CPEB4: variants seen among roughly 807,000 people sequenced by gnomAD.
The protein encoded by CPEB4 is cytoplasmic polyadenylation element-binding protein 4.
A neutral mutation model predicts 72.5 loss-of-function variants in CPEB4; 12 were observed. The observed-to-expected ratio is 0.17, with a 90% CI of 0.11 to 0.27. The LOEUF is 0.27. Among genes scored for constraint, CPEB4 ranks in the 10% least tolerant of loss-of-function variants. CPEB4 has a pLI of 1.00. For synonymous variants in CPEB4, 302 were observed against 326.3 expected (o/e 0.93, Z 0.80); for missense variants, 614 against 908.5 (o/e 0.68, Z 4.17).
intron 6 of CPEB4, among the ~76,000 whole-genome samples, 176 bp downstream of exon 6, chr5:173,949,773 A>G (rs1758152834): frequency 6.6e-6 from 1 of 152,224 alleles, no homozygotes; most frequent in African/African-American, 2.4e-5. Context: ...ATTTTACTCT[A>G]AAAGATGCTT....
intron 8 of CPEB4, among the ~76,000 whole-genome samples, chr5:173,952,572 A>G (rs1758248334): frequency 6.6e-6 from 1 of 152,238 alleles, no homozygotes; most frequent in Non-Finnish European, 1.5e-5. Context: ...AAATGCAGTC[A>G]TTATTTCAAG....
rs1398012522 is a variant in CPEB4, at chr5:173,888,477, AAAG to A, written c.-1251_-1249del. 13 of 434,044 alleles carry A rather than the reference AAAG, an allele frequency of 3.0e-5. No individual in the cohort carries two copies. The highest frequency in any genetic ancestry group is 4.4e-5 in the Non-Finnish European group (11 of 249,480). The allele number at this position is 434,044 out of a possible 1,614,324, so 26.9% of individuals were successfully genotyped here. On this transcript the variant is annotated 5_prime_UTR_variant, in exon 1 of 10. Transcript: ENST00000265085. The surrounding 1 kb of genome is among the most constrained non-coding windows in gnomAD (Gnocchi z 4.3). ...AGGAAGAGGAGGAAGAAGGAAAGAA[AAAG>A]AAGAACCAGGAGGAGTCCTCAACAA...
At chr5:173,943,120 C>T (rs1209399801) in intron 4 of CPEB4, 71 bp downstream of exon 4, 14 of 1,465,422 alleles carry the variant, frequency 9.6e-6, no homozygotes, top group Non-Finnish European at 9.4e-7. Flanking sequence ...TAATTTCTAA[C>T]CTTTGTGGGG....
Position 173,890,650 on chromosome 5 carries a change from A to G in CPEB4, c.917A>G (p.Tyr306Cys). Residue 306 changes from tyrosine (Y) to cysteine (C), a missense_variant, in exon 1 of 10, where the codon TAT becomes TGT. Physicochemically the swap from Tyr to Cys is radical, Grantham distance 194. Transcript: ENST00000265085. ...TCCTGGAGCCCGGGCGGTGGTGGAT[A>G]TGGTGGCTGGGGAGGTTCCCAAGGC... The part of the protein sequence containing the change: ...SSSWSPGGGG[Y>C]GGWGGSQGRD... The G allele has an allele frequency of 3.7e-6, 6 of 1,614,108 alleles. No homozygotes were observed. The highest frequency in any genetic ancestry group is 5.1e-6 in the Non-Finnish European group (6 of 1,179,970).
chr5:173,921,535 C>G (rs1415776658), intron 2 of CPEB4, among the ~76,000 whole-genome samples: 1 of 152,170 alleles, frequency 6.6e-6, no homozygotes, highest in Non-Finnish European at 1.5e-5. Context: ...CTGAAGCCAT[C>G]TTTATTCCTT....
At chr5:173,921,532 CA>C (rs1757072104) in intron 2 of CPEB4, among the ~76,000 whole-genome samples, 1 of 152,134 alleles carries the variant, frequency 6.6e-6, no homozygotes, top group Non-Finnish European at 1.5e-5. Context: ...CATCTGAAGC[CA>C]TCTTTATTCC....
chr5:173,936,436 T>A (rs914027318), intron 3 of CPEB4, among the ~76,000 whole-genome samples: 3 of 152,166 alleles, frequency 2.0e-5, no homozygotes, highest in African/African-American at 7.2e-5. Context: ...AAAGACCCTG[T>A]CTCCAAATAT....
Position 173,896,167 on chromosome 5 carries a change from G to A in CPEB4, c.1125+5309G>A, listed in dbSNP as rs532605864. 3.3e-5 allele frequency among the ~76,000 whole-genome samples: 5 copies of A among 152,226 alleles called. No homozygotes were observed. The South Asian group carries it at 1.0e-3, about 32-fold the overall frequency. On this transcript the variant is annotated intron_variant, in intron 1 of 9. Transcript: ENST00000265085. ...TAATTCGCTGTCATATTTTTTCAGCGCTGTATTGTACCTCAGTTTTTGGTC... is the reference window on the plus strand; with the variant it reads ...TAATTCGCTGTCATATTTTTTCAGCACTGTATTGTACCTCAGTTTTTGGTC...
intron 1 of CPEB4, chr5:173,891,537 C>A (rs1220577721): frequency 6.6e-6 from 1 of 152,170 alleles, no homozygotes; most frequent in Non-Finnish European, 1.5e-5. Flanking sequence ...CAGAGTGACT[C>A]TTTATGCCTT....
Position 173,888,371 on chromosome 5 carries a change from AGGACTCAGCCGCGGCTGCG to A in CPEB4, c.-1358_-1340del. ...TTCACTCGGCTCGGTCCTGAGGAGA[AGGACTCAGCCGCGGCTGCG>A]GGACCCGGGCACCGGGAGGCGGTGG... On this transcript the variant is annotated 5_prime_UTR_variant, in exon 1 of 10. Transcript: ENST00000265085. This position sits in a 1 kb window ranked among gnomAD's most constrained non-coding sequence, Gnocchi z 4.3. 1 of 445,296 alleles carries A rather than the reference AGGACTCAGCCGCGGCTGCG, an allele frequency of 2.2e-6. No homozygotes were observed. The highest frequency in any genetic ancestry group is 3.9e-6 in the Non-Finnish European group (1 of 258,568). The allele number at this position is 445,296 out of a possible 1,614,324, so 27.6% of individuals were successfully genotyped here. A position where few individuals can be genotyped will look rare whatever the true frequency, so the allele number is the denominator to read the frequency against.
chr5:173,936,081 A>G (rs1002136226), intron 3 of CPEB4, among the ~76,000 whole-genome samples: 2 of 152,136 alleles, frequency 1.3e-5, no homozygotes, highest in African/African-American at 4.8e-5. Context: ...TTGAGGGGCA[A>G]TCTTGGGGAC....
intron 5 of CPEB4, among the ~76,000 whole-genome samples, chr5:173,947,129 T>G (rs946302674): frequency 6.6e-6 from 1 of 151,864 alleles, no homozygotes; most frequent in Non-Finnish European, 1.5e-5. Flanking sequence ...TACCCTGCCC[T>G]ATTATCAGGT....
chr5:173,893,658 G>A (rs192104551), intron 1 of CPEB4, among the ~76,000 whole-genome samples: 2 of 152,124 alleles, frequency 1.3e-5, no homozygotes, highest in Admixed American at 6.5e-5. Flanking sequence ...TGCTTACATG[G>A]GTACATTATA....
intron 1 of CPEB4, among the ~76,000 whole-genome samples, chr5:173,905,184 A>G (rs1488959530): frequency 1.3e-5 from 2 of 151,918 alleles, no homozygotes; most frequent in Non-Finnish European, 2.9e-5. Context: ...AAGCAAATTG[A>G]GTTGTCAGTA....
intron 8 of CPEB4, 63 bp from the exon 9 acceptor site, chr5:173,953,028 C>T (rs745674231): frequency 8.1e-6 from 11 of 1,357,352 alleles, no homozygotes; most frequent in East Asian, 2.3e-5. Flanking sequence ...TTTGATGAAA[C>T]GGTTGGTGAG....
rs1219807727 is a variant in CPEB4, at chr5:173,911,353, C to A, written c.1207+749C>A. 2.0e-5 allele frequency among the ~76,000 whole-genome samples: 3 copies of A among 151,726 alleles called. No individual in the cohort carries two copies. The East Asian group carries it at 5.8e-4, about 29-fold the overall frequency. On this transcript the variant is annotated intron_variant, in intron 2 of 9. Coordinates refer to ENST00000265085, the MANE Select transcript of CPEB4 (RefSeq NM_030627.4). ...GGCGTGATCACTGCAAGCTCCGCCT[C>A]CCAGGCTCACGCCATTCTCCTGCCT...
At chr5:173,911,695 T>G (rs1413957943) in intron 2 of CPEB4, among the ~76,000 whole-genome samples, 1 of 151,298 alleles carries the variant, frequency 6.6e-6, no homozygotes, top group African/African-American at 2.4e-5. Flanking sequence ...TTTTTTTTTT[T>G]TTTTTTTTTA....
rs374363917 is a variant in CPEB4 at position 173,890,054 on chromosome 5, G to T, written c.321G>T (p.Leu107=). 6.2e-7 allele frequency: 1 copy of T among 1,614,088 alleles called. No individual in the cohort carries two copies. The highest frequency in any genetic ancestry group is 1.1e-5 in the South Asian group (1 of 91,082). The change falls in exon 1 of 10, where the codon CTG becomes CTT. Residue 107 remains leucine, a synonymous_variant. Transcript: ENST00000265085. ...GTCCAGGTCAGGAAGCTGGAATACT[G>T]CCTGAAACAGAGAAGGCAAAATCAG... is the stretch of plus-strand genomic sequence containing the variant. The part of the protein sequence containing the change: ...SPSPGQEAGI[L]PETEKAKSEE...
At chr5:173,912,678 T>C (rs1233390358) in intron 2 of CPEB4, among the ~76,000 whole-genome samples, 1 of 150,422 alleles carries the variant, frequency 6.6e-6, no homozygotes, top group Non-Finnish European at 1.5e-5. Flanking sequence ...CTCACGCTTA[T>C]AATCCCAGCA....
Sources: allele counts gnomAD v4.1 joint callset (sites outside exome capture counted in the v4.1 genomes callset), GRCh38; gene constraint gnomAD v4.1.1; non-coding constraint Gnocchi (gnomAD v3.1); transcripts MANE v1.5; gene names NCBI Gene and HGNC (gene_info 2026-07-23, HGNC 2026-07-21).